The following NELL2 variants were observed in gnomAD, a reference collection of about 807,000 sequenced individuals.
NELL2 encodes neural EGFL like 2.
In NELL2, 41 loss-of-function variants were observed where a neutral mutation model predicts 109.6. The ratio of observed to expected loss-of-function variants is 0.37; its 90% CI spans 0.29 to 0.49. The LOEUF (loss-of-function observed/expected upper bound fraction) is 0.49, where lower values mean the gene tolerates loss of function less well. Among genes scored for constraint, NELL2 ranks in the 20% least tolerant of loss-of-function variants. NELL2 has a pLI of 0.98. For synonymous variants in NELL2, 355 were observed against 344.7 expected (o/e 1.03, Z -0.33); for missense variants, 900 against 1,008.3 (o/e 0.89, Z 1.45).
rs145843738 is a variant in NELL2 at position 44,602,387 on chromosome 12, G to C, written c.1663+4782C>G. Reference sequence around the variant, plus strand: ...AAGATTCAGAAAACTGAATTTAATAGGATAGTAAAGAACTAGAAGCAAAGC... The same window carrying C: ...AAGATTCAGAAAACTGAATTTAATACGATAGTAAAGAACTAGAAGCAAAGC... On this transcript the variant is annotated intron_variant, in intron 15 of 19. Transcript: ENST00000429094. Among the ~76,000 whole-genome samples, 111 of 152,200 alleles carry C rather than the reference G, an allele frequency of 7.3e-4. 1 individual carries two copies. The highest frequency in any genetic ancestry group is 3.7e-3 in the Admixed American group (56 of 15,284).
At chr12:44,857,590 G>A (rs1944720209) in intron 2 of NELL2, among the ~76,000 whole-genome samples, 1 of 152,046 alleles carries the variant, frequency 6.6e-6, no homozygotes, top group African/African-American at 2.4e-5. Context: ...ACAGAGCCAG[G>A]TAAAACAATT....
At chr12:44,645,613 C>T (rs1296890491) in intron 13 of NELL2, among the ~76,000 whole-genome samples, 1 of 152,062 alleles carries the variant, frequency 6.6e-6, no homozygotes, top group African/African-American at 2.4e-5. Flanking sequence ...GTACAATAAT[C>T]CCTTTCATAG....
intron 13 of NELL2, among the ~76,000 whole-genome samples, chr12:44,656,077 A>G (rs909764504): frequency 6.6e-6 from 1 of 152,236 alleles, no homozygotes; most frequent in Admixed American, 6.5e-5. Flanking sequence ...TCTTTCTAAA[A>G]TAAATTCACA....
At chr12:44,896,329 T>C (rs1291444532) in intron 1 of NELL2, among the ~76,000 whole-genome samples, 1 of 152,158 alleles carries the variant, frequency 6.6e-6, no homozygotes, top group African/African-American at 2.4e-5. Flanking sequence ...CCAGCTGAGG[T>C]AAGGTCTATA....
chr12:44,628,346 A>G (rs577718264), intron 13 of NELL2, among the ~76,000 whole-genome samples: 23 of 152,328 alleles, frequency 1.5e-4, no homozygotes, highest in South Asian at 1.2e-3. Context: ...GAATTGCAGC[A>G]TGCCCACCCA....
In NELL2 at chr12:44,736,965, C is replaced by G. The variant is rs188997386; in HGVS notation, c.995-22224G>C. Among the ~76,000 whole-genome samples, 50 of 151,758 alleles carry G rather than the reference C, an allele frequency of 3.3e-4. 1 individual carries two copies. In the East Asian group the frequency reaches 7.8e-3, roughly 24 times the overall value. On this transcript the variant is annotated intron_variant, in intron 9 of 19. Transcript: ENST00000429094. ...ATGTGACTATCACAATGTAAATATT[C>G]TCGTATTTGTTTACTCATTGATCTG...
At chr12:44,745,212 C>A (rs1412742798) in intron 9 of NELL2, among the ~76,000 whole-genome samples, 4 of 152,124 alleles carry the variant, frequency 2.6e-5, no homozygotes, top group African/African-American at 4.8e-5. Flanking sequence ...CCATGATTAT[C>A]TCAACAGATG....
intron 19 of NELL2, among the ~76,000 whole-genome samples, chr12:44,509,657 T>TCTGGATC (rs1442963510): frequency 6.6e-6 from 1 of 152,026 alleles, no homozygotes; most frequent in Admixed American, 6.6e-5. Flanking sequence ...TCTGCCAGGG[T>TCTGGATC]CTGGATCTTG....
intron 1 of NELL2, among the ~76,000 whole-genome samples, chr12:44,920,638 T>A (rs1178000190): frequency 2.0e-5 from 3 of 152,204 alleles, no homozygotes; most frequent in Non-Finnish European, 4.4e-5. Context: ...GATGCACATA[T>A]CACATAATAA....
At chr12:44,681,035 TTTTA>T (rs968761058) in intron 12 of NELL2, among the ~76,000 whole-genome samples, 10 of 151,722 alleles carry the variant, frequency 6.6e-5, no homozygotes, top group South Asian at 4.1e-4. Context: ...ACCAAATCCA[TTTTA>T]TTTATTTTTA....
chr12:44,827,267 C>A (rs1163528752), intron 2 of NELL2, among the ~76,000 whole-genome samples: 2 of 152,072 alleles, frequency 1.3e-5, no homozygotes, highest in Non-Finnish European at 2.9e-5. Context: ...ATGGGGTATC[C>A]ATCACCTCAA....
At chr12:44,600,306 G>A (rs967641844) in intron 15 of NELL2, among the ~76,000 whole-genome samples, 11 of 151,598 alleles carry the variant, frequency 7.3e-5, no homozygotes, top group African/African-American at 2.7e-4. Flanking sequence ...ACCGCGCCCG[G>A]CCGGAAAACC....
chr12:44,782,638 C>T (rs1030357870), intron 3 of NELL2, among the ~76,000 whole-genome samples: 1 of 151,050 alleles, frequency 6.6e-6, no homozygotes, highest in Non-Finnish European at 1.5e-5. Flanking sequence ...CAAAAAATAC[C>T]AAAGACAAAC....
chr12:44,772,112 G>A (rs1012077632), intron 9 of NELL2, among the ~76,000 whole-genome samples: 3 of 152,046 alleles, frequency 2.0e-5, no homozygotes, highest in Admixed American at 2.0e-4. Context: ...ATCAATGTAG[G>A]GTCTAAGAAG....
chr12:44,747,656 G>A (rs1243675206), intron 9 of NELL2, among the ~76,000 whole-genome samples: 3 of 152,032 alleles, frequency 2.0e-5, no homozygotes, highest in Admixed American at 6.6e-5. Context: ...ACGGTCAACT[G>A]TAGAAGTAGA....
At chr12:44,590,858 T>C (rs1944717761) in intron 15 of NELL2, among the ~76,000 whole-genome samples, 1 of 151,550 alleles carries the variant, frequency 6.6e-6, no homozygotes, top group Non-Finnish European at 1.5e-5. Context: ...AGAAAAATCT[T>C]GCAAACTATT....
intron 9 of NELL2, among the ~76,000 whole-genome samples, chr12:44,724,866 T>A (rs1938989428): frequency 7.0e-6 from 1 of 143,288 alleles, no homozygotes; most frequent in Non-Finnish European, 1.5e-5. Flanking sequence ...AACTTCAAAC[T>A]ATACTACAAG....
chr12:44,531,040 A>C (rs1942028611), intron 16 of NELL2, among the ~76,000 whole-genome samples: 1 of 152,244 alleles, frequency 6.6e-6, no homozygotes. Context: ...GTTTAGTTAC[A>C]AACTTAATGT....
chr12:44,519,875 C>CT, intron 19 of NELL2, 130 bp downstream of exon 19: 1 of 782,188 alleles, frequency 1.3e-6, no homozygotes, highest in Non-Finnish European at 2.1e-6. Flanking sequence ...GCATTCCGCC[C>CT]ACCTATGTTT....
Sources: allele counts gnomAD v4.1 joint callset (sites outside exome capture counted in the v4.1 genomes callset), GRCh38; gene constraint gnomAD v4.1.1; transcripts MANE v1.5; gene names NCBI Gene and HGNC (gene_info 2026-07-23, HGNC 2026-07-21).